ZNF347: variants seen among roughly 807,000 people sequenced by gnomAD.
ZNF347 encodes zinc finger protein 347, also known as CTD-2620I22.7.
Under a neutral mutation model 12.9 loss-of-function variants are expected in ZNF347, and 19 were observed. That is an observed-to-expected ratio of 1.47 (90% CI 1.03 to 2.16). The LOEUF is 2.16. ZNF347 is among the 30% of genes most tolerant of loss of function. ZNF347 has a pLI of 0.00. For synonymous variants in ZNF347, 328 were observed against 340.6 expected (o/e 0.96, Z 0.41); for missense variants, 1,005 against 990.6 (o/e 1.01, Z -0.19).
At position 53,140,358 on chromosome 19, in the gene ZNF347, T is replaced by C; in HGVS notation, c.2470A>G (p.Lys824Glu). 6.3e-7 allele frequency: 1 copy of C among 1,590,550 alleles called. No individual in the cohort carries two copies. Among genetic ancestry groups the C allele is most frequent in the Non-Finnish European group, 8.5e-7 (1 of 1,170,602 alleles). ...GGKPYKCNVWKVLKSEFKPCK... is the reference protein window; with the variant it reads ...GGKPYKCNVWEVLKSEFKPCK... ...GGTTTGAACTCTGACTTTAGAACTT[T>C]CCACACGTTACATTTGTAAGGTTTC... The change falls in exon 5 of 5, where the codon AAA (lysine) becomes GAA (glutamate). Residue 824 changes from lysine (K) to glutamate (E), a missense_variant. Transcript: ENST00000334197.
chr19:53,142,444 T>C lies in ZNF347; in HGVS notation c.384A>G (p.Gly128=), dbSNP rs1188589070. Residue 128 remains glycine, a synonymous_variant, in exon 5 of 5, where the codon GGA becomes GGG. Transcript: ENST00000334197. The part of the protein sequence containing the change: ...LERQESQDIE[G]CSFREVQKNT... ...TTTTCTGGACTTCCCTGAAGGAACATCCTTCAATGTCTTGGCTTTCCTGTC... is the reference window on the plus strand; with the variant it reads ...TTTTCTGGACTTCCCTGAAGGAACACCCTTCAATGTCTTGGCTTTCCTGTC... 2 of 1,614,148 alleles carry C rather than the reference T, an allele frequency of 1.2e-6. No individual in the cohort carries two copies. Among genetic ancestry groups the C allele is most frequent in the Non-Finnish European group, 1.7e-6 (2 of 1,179,988 alleles).
intron 4 of ZNF347, among the ~76,000 whole-genome samples, chr19:53,145,350 C>A (rs2090456450): frequency 1.4e-5 from 2 of 146,846 alleles, no homozygotes; most frequent in South Asian, 4.3e-4. Context: ...TATTCCTGAA[C>A]AGCCACTGAG....
At chr19:53,147,650 A>G (rs535322742) in intron 4 of ZNF347, among the ~76,000 whole-genome samples, 1 of 152,228 alleles carries the variant, frequency 6.6e-6, no homozygotes, top group South Asian at 2.1e-4. Flanking sequence ...TGAAGGCAGC[A>G]CATATTTCCA....
chr19:53,140,029 T>C lies in ZNF347; in HGVS notation c.*279A>G, dbSNP rs753067683. On this transcript the variant is annotated 3_prime_UTR_variant, in exon 5 of 5. Transcript: ENST00000334197. ...GATTCTCCTGCCTCAGCCTCCTATA[T>C]AGCTGGGATTACAGGCGCACGCCAC... The C allele has an allele frequency of 3.1e-5, 9 of 294,032 alleles. No individual in the cohort carries two copies. The highest frequency in any genetic ancestry group is 4.4e-5 in the Non-Finnish European group (7 of 158,944). The allele number at this position is 294,032 out of a possible 1,614,324, so 18.2% of individuals were successfully genotyped here. A position where few individuals can be genotyped will look rare whatever the true frequency, so the allele number is the denominator to read the frequency against.
At chr19:53,143,786 C>G (rs935244809) in intron 4 of ZNF347, among the ~76,000 whole-genome samples, 4 of 152,006 alleles carry the variant, frequency 2.6e-5, no homozygotes, top group Non-Finnish European at 5.9e-5. Context: ...AGTTCTAGAT[C>G]CCTGAGGAAT....
intron 4 of ZNF347, among the ~76,000 whole-genome samples, chr19:53,145,202 A>T (rs1187155941): frequency 6.6e-6 from 1 of 151,056 alleles, no homozygotes; most frequent in Non-Finnish European, 1.5e-5. Flanking sequence ...GAGGCAGGAG[A>T]ATTGCTTGAT....
At chr19:53,155,294 CTGTGTG>C (rs61275588) in intron 1 of ZNF347, among the ~76,000 whole-genome samples, 15,076 of 141,844 alleles carry the variant, frequency 0.11, 841 homozygotes, top group Middle Eastern at 0.17. Flanking sequence ...AGACTTTATT[CTGTGTG>C]TGTGTGTGTG....
rs1158666675 is a variant in ZNF347 at position 53,141,153 on chromosome 19, G to A, written c.1675C>T (p.His559Tyr). 1 of 1,608,862 alleles carries A rather than the reference G, an allele frequency of 6.2e-7. No individual in the cohort carries two copies. The highest frequency in any genetic ancestry group is 1.3e-5 in the African/African-American group (1 of 74,764). The change falls in exon 5 of 5, where the codon CAT (histidine) becomes TAT (tyrosine). Residue 559 changes from histidine to tyrosine, a missense_variant. Physicochemically the swap from His to Tyr is moderately conservative, Grantham distance 83 (BLOSUM62 2). Coordinates refer to ENST00000334197, the MANE Select transcript of ZNF347 (RefSeq NM_032584.3). ...TTTTCTCCAGTATGGATGACCTGATGGGTAGTTAGGCTTGAATACACACTG... is the reference window on the plus strand; with the variant it reads ...TTTTCTCCAGTATGGATGACCTGATAGGTAGTTAGGCTTGAATACACACTG... ...AFSVYSSLTT[H>Y]QVIHTGEKPY...
At chr19:53,151,880 G>C (rs1489291981) in intron 2 of ZNF347, among the ~76,000 whole-genome samples, 2 of 151,976 alleles carry the variant, frequency 1.3e-5, no homozygotes, top group African/African-American at 2.4e-5. Flanking sequence ...GGATCACGAG[G>C]TCAGGAGTTC....
Position 53,141,037 on chromosome 19 carries a change from A to T in ZNF347, c.1791T>A (p.Tyr597Ter). The change falls in exon 5 of 5, where the codon TAT becomes TAA. Residue 597 changes from tyrosine (Y) to a stop codon, truncating the protein, a stop_gained. Coordinates refer to ENST00000334197, the MANE Select transcript of ZNF347 (RefSeq NM_032584.3). LOFTEE classifies it low-confidence loss of function (END_TRUNC). Reference protein sequence around the residue: ...HRGIHTGEKPYKCNECGKVFR... With the variant: ...HRGIHTGEKP ...AGACCTTGCCACATTCATTACATTT[A>T]TAAGGTTTCTCTCCAGTATGAATTC... 1 of 1,598,148 alleles carries T rather than the reference A, an allele frequency of 6.3e-7. No individual in the cohort carries two copies. The highest frequency in any genetic ancestry group is 8.5e-7 in the Non-Finnish European group (1 of 1,174,012).
chr19:53,149,444 G>C, intron 2 of ZNF347, 77 bp from the exon 3 acceptor site: 1 of 1,600,656 alleles, frequency 6.2e-7, no homozygotes, highest in Non-Finnish European at 8.5e-7. Flanking sequence ...AGACAGAATA[G>C]ATTAAACTGG....
At chr19:53,146,680 A>G (rs2090465395) in intron 4 of ZNF347, among the ~76,000 whole-genome samples, 1 of 152,180 alleles carries the variant, frequency 6.6e-6, no homozygotes, top group Non-Finnish European at 1.5e-5. Context: ...ATCAGAGACA[A>G]AACAGAAAAC....
In ZNF347 at chr19:53,149,244, G is replaced by C; in HGVS notation, c.139C>G (p.Leu47Val). The stretch of plus-strand genomic sequence containing the variant: ...TCTGGAAGAAAGTCATCCTCACCCA[G>C]GGAGGCCAGGTTCCTATAATTCTCC... Reference protein sequence around the residue: ...MLENYRNLASLGISCFDLSII... With the variant: ...MLENYRNLASVGISCFDLSII... Residue 47 changes from leucine to valine, a missense_variant, in exon 3 of 5, where the codon CTG (leucine) becomes GTG (valine). By Grantham distance (32) the Leu-to-Val change is conservative (BLOSUM62 1). Transcript: ENST00000334197. 1 of 1,612,372 alleles carries C rather than the reference G, an allele frequency of 6.2e-7. No homozygotes were observed. Among genetic ancestry groups the C allele is most frequent in the South Asian group, 1.1e-5 (1 of 90,748 alleles).
rs1288583783 is a variant in ZNF347 at position 53,138,380 on chromosome 19, G to C, written c.*1928C>G. ...GACCCCCCTGCCTTGGGCTCTCAAA[G>C]TGCTAGGATTACAGGCATGAACCAC... On this transcript the variant is annotated 3_prime_UTR_variant, in exon 5 of 5. Transcript: ENST00000334197. The C allele has an allele frequency of 1.3e-5, 2 of 152,052 alleles. No homozygotes were observed. Among genetic ancestry groups the C allele is most frequent in the African/African-American group, 2.4e-5 (1 of 41,368 alleles). The allele number at this position is 152,052 out of a possible 1,614,324, so 9.4% of individuals were successfully genotyped here.
chr19:53,158,225 G>A (rs71363309), intron 1 of ZNF347, among the ~76,000 whole-genome samples: 25,984 of 152,074 alleles, frequency 0.17, 2,416 homozygotes, highest in Middle Eastern at 0.23. Flanking sequence ...ACTGCGAAGG[G>A]GAGGCCTGGG....
intron 4 of ZNF347, among the ~76,000 whole-genome samples, chr19:53,145,691 C>T (rs932744312): frequency 6.6e-6 from 1 of 151,892 alleles, no homozygotes; most frequent in African/African-American, 2.4e-5. Context: ...CCATGCCTGG[C>T]TAAAAATTTC....
intron 4 of ZNF347, among the ~76,000 whole-genome samples, chr19:53,146,488 G>C (rs1274466678): frequency 6.6e-6 from 1 of 151,876 alleles, no homozygotes; most frequent in African/African-American, 2.4e-5. Flanking sequence ...TGTTGCCCAG[G>C]CTGGTTTGAA....
chr19:53,152,092 C>CAAAAA (rs1186310928), intron 2 of ZNF347, among the ~76,000 whole-genome samples: 1 of 89,848 alleles, frequency 1.1e-5, no homozygotes, highest in Non-Finnish European at 2.1e-5. Flanking sequence ...GACTCTGTCT[C>CAAAAA]AAAAAAAAAA....
chr19:53,148,568 G>T, intron 4 of ZNF347, 113 bp downstream of exon 4: 1 of 1,271,592 alleles, frequency 7.9e-7, no homozygotes, highest in South Asian at 1.6e-5. Context: ...AAAGATTTCT[G>T]TTCTGAGGTC....
Sources: allele counts gnomAD v4.1 joint callset (sites outside exome capture counted in the v4.1 genomes callset), GRCh38; gene constraint gnomAD v4.1.1; transcripts MANE v1.5; gene names NCBI Gene and HGNC (gene_info 2026-07-23, HGNC 2026-07-21).